AQR: variants seen among roughly 807,000 people sequenced by gnomAD.
AQR encodes the protein aquarius intron-binding spliceosomal factor.
In AQR, 61 loss-of-function variants were observed where a neutral mutation model predicts 180.5. That is an observed-to-expected ratio of 0.34 (90% confidence interval 0.28 to 0.42). AQR has a LOEUF of 0.42. AQR is among the 10% of genes least tolerant of loss of function. The pLI, the probability that AQR is intolerant of heterozygous loss-of-function variation, is 1.00. For synonymous variants in AQR, 551 were observed against 588.8 expected, an observed-to-expected ratio of 0.94 and a Z score of 0.93; for missense variants, 1,281 against 1,798.3, an observed-to-expected ratio of 0.71 and a Z score of 5.20.
intron 14 of AQR, 117 bp downstream of exon 14, chr15:34,920,215 G>C: frequency 1.6e-6 from 1 of 642,936 alleles, no homozygotes; most frequent in Non-Finnish European, 2.6e-6. Context: ...AAACAAAATG[G>C]GAATTATCTG....
chr15:34,961,673 A>G (rs2050280282), intron 2 of AQR, among the ~76,000 whole-genome samples: 1 of 150,042 alleles, frequency 6.7e-6, no homozygotes, highest in Non-Finnish European at 1.5e-5. Flanking sequence ...AAAAAAAAAA[A>G]AAAAAGAAAA....
chr15:34,962,597 C>T (rs1306172906), intron 2 of AQR, among the ~76,000 whole-genome samples: 4 of 151,746 alleles, frequency 2.6e-5, no homozygotes, highest in African/African-American at 7.3e-5. Context: ...GGTAAAACCC[C>T]GTCTCTACTA....
intron 2 of AQR, among the ~76,000 whole-genome samples, chr15:34,963,366 T>G (rs1165400429): frequency 6.6e-6 from 1 of 152,192 alleles, no homozygotes; most frequent in Non-Finnish European, 1.5e-5. Context: ...TTGCTTCAGT[T>G]GGACTTATTC....
At chr15:34,966,335 A>C (rs1364264087) in intron 1 of AQR, among the ~76,000 whole-genome samples, 1 of 152,222 alleles carries the variant, frequency 6.6e-6, no homozygotes, top group East Asian at 1.9e-4. Flanking sequence ...AAAAGAAAGA[A>C]GAAGAAAACA....
Position 34,925,375 on chromosome 15 carries a change from G to A in AQR, c.1118+1660C>T, listed in dbSNP as rs971657409. Among the ~76,000 whole-genome samples, 19 of 152,172 alleles carry A rather than the reference G, an allele frequency of 1.2e-4. 1 individual carries two copies. Among genetic ancestry groups the A allele is most frequent in the African/African-American group, 4.1e-4 (17 of 41,446 alleles). On this transcript the variant is annotated intron_variant, in intron 13 of 34. Transcript: ENST00000156471. ...TAGGGAGAAAAATAAATCCTCATAC[G>A]CTGTTAGTTTAAGTGTAAATTGATA...
intron 4 of AQR, among the ~76,000 whole-genome samples, chr15:34,951,957 C>T (rs1894240709): frequency 1.3e-5 from 2 of 152,108 alleles, no homozygotes; most frequent in African/African-American, 4.8e-5. Flanking sequence ...TAAATAAGAT[C>T]ATTTAATAAT....
At chr15:34,955,783 C>T (rs908265930) in intron 3 of AQR, among the ~76,000 whole-genome samples, 1 of 151,906 alleles carries the variant, frequency 6.6e-6, no homozygotes, top group African/African-American at 2.4e-5. Flanking sequence ...GTGGCGGGCA[C>T]CTGTAATCCC....
At chr15:34,908,453 T>G (rs1486781441) in intron 17 of AQR, among the ~76,000 whole-genome samples, 1 of 152,034 alleles carries the variant, frequency 6.6e-6, no homozygotes, top group South Asian at 2.1e-4. Context: ...AAAAAATGTA[T>G]TATTGTTTAC....
Position 34,860,109 on chromosome 15 carries a change from G to A in AQR, c.4076C>T (p.Pro1359Leu). ...SHEVQIIKNM[P>L]QMANFVYNMY... ...GTTGTATACAAAGTTTGCCATCTGG[G>A]GCATATTTTTTATTATTTGTACTTC... Residue 1359 changes from proline (P) to leucine (L), a missense_variant, in exon 34 of 35, where the codon CCC becomes CTC. Pro to Leu is a moderately conservative substitution (Grantham distance 98). This residue lies in a region of AQR where 182 missense variants were observed against 185.3 expected (regional missense o/e 0.98). Transcript: ENST00000156471. 2 of 1,521,346 alleles carry A rather than the reference G, an allele frequency of 1.3e-6. No individual in the cohort carries two copies. The highest frequency in any genetic ancestry group is 1.8e-6 in the Non-Finnish European group (2 of 1,122,820). The allele number at this position is 1,521,346 out of a possible 1,614,324, so 94.2% of individuals were successfully genotyped here. A position where few individuals can be genotyped will look rare whatever the true frequency, so the allele number is the denominator to read the frequency against.
At position 34,893,607 on chromosome 15, in the gene AQR, G is replaced by GCACGCACGCA. The variant is rs1555423808; in HGVS notation, c.2571+55_2571+56insTGCGTGCGTG. 82 of 999,556 alleles carry GCACGCACGCA rather than the reference G, an allele frequency of 8.2e-5. 1 individual carries two copies. The East Asian group carries it at 1.2e-3, about 15-fold the overall frequency. The allele number at this position is 999,556 out of a possible 1,614,324, so 61.9% of individuals were successfully genotyped here. A position where few individuals can be genotyped will look rare whatever the true frequency, so the allele number is the denominator to read the frequency against. On this transcript the variant is annotated intron_variant, in intron 23 of 34. Transcript: ENST00000156471. ...CATACCCATGTGCATGCGCATGCGTGCACACACACACACACACACACACAC... is the reference window on the plus strand; with the variant it reads ...CATACCCATGTGCATGCGCATGCGTGCACGCACGCACACACACACACACACACACACACAC...
At chr15:34,921,171 C>G (rs1458751385) in intron 13 of AQR, among the ~76,000 whole-genome samples, 1 of 152,156 alleles carries the variant, frequency 6.6e-6, no homozygotes, top group Non-Finnish European at 1.5e-5. Flanking sequence ...GGTGCAGTGT[C>G]TCACACCTGT....
rs1281323997 is a variant in AQR, at chr15:34,941,862, ACTATAT to A, written c.540+144_540+149del. On this transcript the variant is annotated intron_variant, in intron 7 of 34. Transcript: ENST00000156471. ...TGCATATAAAAACTTTAAAATAAAA[ACTATAT>A]CTATGAAAAGTTAAGCAAAGTGGCT... 1.9e-5 allele frequency: 8 copies of A among 422,094 alleles called. No homozygotes were observed. In the East Asian group the frequency reaches 2.9e-4, roughly 16 times the overall value. The allele number at this position is 422,094 out of a possible 1,614,324, so 26.1% of individuals were successfully genotyped here. A position where few individuals can be genotyped will look rare whatever the true frequency, so the allele number is the denominator to read the frequency against.
chr15:34,895,204 A>ATATATATATATATATAT (rs1893224498), intron 22 of AQR, among the ~76,000 whole-genome samples: 1 of 98,934 alleles, frequency 1.0e-5, no homozygotes, highest in Non-Finnish European at 2.1e-5. Context: ...ATATATATAT[A>ATATATATATATATATAT]TATATATATA....
At chr15:34,941,341 C>G (rs973390882) in intron 7 of AQR, among the ~76,000 whole-genome samples, 6 of 152,036 alleles carry the variant, frequency 3.9e-5, no homozygotes, top group African/African-American at 1.2e-4. Flanking sequence ...TGAAACAATG[C>G]ACAAAAAACA....
At chr15:34,867,751 A>AC (rs1264130496) in intron 31 of AQR, 142 bp from the exon 32 acceptor site, 1 of 634,352 alleles carries the variant, frequency 1.6e-6, no homozygotes, top group East Asian at 2.9e-5. Flanking sequence ...AATTCCAAGA[A>AC]CAAGTTAATG....
intron 32 of AQR, 133 bp from the exon 33 acceptor site, chr15:34,863,174 T>A: frequency 2.6e-6 from 2 of 763,768 alleles, no homozygotes; most frequent in Non-Finnish European, 4.0e-6. Flanking sequence ...CTTAAAAACT[T>A]AATAGAAGTT....
At chr15:34,883,116 T>C (rs1411138322) in intron 26 of AQR, among the ~76,000 whole-genome samples, 1 of 152,150 alleles carries the variant, frequency 6.6e-6, no homozygotes, top group Admixed American at 6.5e-5. Context: ...GCCCAGGGAC[T>C]GTAGTCACAC....
At chr15:34,922,109 G>A (rs1436590014) in intron 13 of AQR, among the ~76,000 whole-genome samples, 1 of 152,188 alleles carries the variant, frequency 6.6e-6, no homozygotes, top group Admixed American at 6.5e-5. Context: ...ACCATGCCTG[G>A]TCTTAGGTAG....
intron 16 of AQR, among the ~76,000 whole-genome samples, chr15:34,911,760 T>G (rs887326878): frequency 1.3e-5 from 2 of 152,180 alleles, no homozygotes; most frequent in East Asian, 3.8e-4. Context: ...TTTTGTTGAC[T>G]GTTTCCTTTG....
Sources: allele counts gnomAD v4.1 joint callset (sites outside exome capture counted in the v4.1 genomes callset), GRCh38; gene constraint gnomAD v4.1.1; regional missense constraint gnomAD v4.1.1; transcripts MANE v1.5; gene names NCBI Gene and HGNC (gene_info 2026-07-23, HGNC 2026-07-21).